HOMER1: variants seen among roughly 807,000 people sequenced by gnomAD.
The protein encoded by HOMER1 is homer scaffold protein 1.
A neutral mutation model predicts 48.9 loss-of-function variants in HOMER1; 3 were observed. The ratio of observed to expected loss-of-function variants is 0.06; its 90% CI spans 0.03 to 0.16. HOMER1 has a LOEUF of 0.16. Among genes scored for constraint, HOMER1 ranks in the 10% least tolerant of loss-of-function variants. HOMER1 has a pLI of 1.00. For synonymous variants in HOMER1, 134 were observed against 146.4 expected (o/e 0.92, Z 0.61); for missense variants, 247 against 411.4 (o/e 0.60, Z 3.46).
At chr5:79,392,343 G>A (rs2112207506) in intron 8 of HOMER1, among the ~76,000 whole-genome samples, 1 of 152,294 alleles carries the variant, frequency 6.6e-6, no homozygotes, top group African/African-American at 2.4e-5. Flanking sequence ...GGGACAAGAT[G>A]TGGAGGTAGA....
chr5:79,456,716 T>C (rs1751186496), intron 2 of HOMER1, 146 bp downstream of exon 2: 1 of 673,124 alleles, frequency 1.5e-6, no homozygotes, highest in African/African-American at 1.8e-5. Flanking sequence ...GTTGCTACCT[T>C]AATAATCCAT....
chr5:79,417,145 CT>C (rs34190629), intron 5 of HOMER1, among the ~76,000 whole-genome samples: 40,890 of 142,810 alleles, frequency 0.29, 6,279 homozygotes, highest in African/African-American at 0.45. Context: ...CGCACCCCTA[CT>C]TTTTTTTTTT....
chr5:79,502,533 T>G (rs1752625047), intron 1 of HOMER1, among the ~76,000 whole-genome samples: 1 of 152,202 alleles, frequency 6.6e-6, no homozygotes, highest in South Asian at 2.1e-4. Flanking sequence ...AGCGCTTTTA[T>G]GAGTCTCTTT....
chr5:79,477,384 G>C (rs1245034748), intron 1 of HOMER1, among the ~76,000 whole-genome samples: 11 of 152,230 alleles, frequency 7.2e-5, no homozygotes, highest in Non-Finnish European at 1.6e-4. Context: ...TCCTACAAGA[G>C]GAAGAGATTT....
In HOMER1 at chr5:79,373,043, G is replaced by A. The variant is rs66500143; in HGVS notation, c.*2966C>T. ...ATGTTTTAGTCTGCAGAAAGAAAGT[G>A]GAAAAGAGAAAGAGAGAGAGAGGAG... On this transcript the variant is annotated 3_prime_UTR_variant, in exon 9 of 9. Coordinates refer to ENST00000334082, the MANE Select transcript of HOMER1 (RefSeq NM_004272.5). 31,423 of 151,910 alleles carry A rather than the reference G, an allele frequency of 0.21. 4,231 individuals are homozygous for A. The highest frequency in any genetic ancestry group is 0.44 in the East Asian group (2,284 of 5,148). 9.4% of individuals were successfully genotyped at this position (151,910 alleles called of 1,614,324 possible). A position where few individuals can be genotyped will look rare whatever the true frequency, so the allele number is the denominator to read the frequency against.
At chr5:79,421,756 C>A (rs1750106629) in intron 5 of HOMER1, among the ~76,000 whole-genome samples, 1 of 152,012 alleles carries the variant, frequency 6.6e-6, no homozygotes, top group Non-Finnish European at 1.5e-5. Flanking sequence ...AGGCACCCGC[C>A]ACCATGCCCA....
At chr5:79,441,650 T>A (rs1179630373) in intron 4 of HOMER1, among the ~76,000 whole-genome samples, 2 of 152,160 alleles carry the variant, frequency 1.3e-5, no homozygotes, top group Non-Finnish European at 2.9e-5. Context: ...TTTAATTTAA[T>A]TTTTTATTCT....
intron 5 of HOMER1, among the ~76,000 whole-genome samples, chr5:79,423,953 C>G (rs1197564895): frequency 6.6e-6 from 1 of 152,026 alleles, no homozygotes; most frequent in Admixed American, 6.5e-5. Flanking sequence ...ACAACAATGA[C>G]AGACCATTGT....
chr5:79,416,953 T>G (rs1274487166), intron 5 of HOMER1, among the ~76,000 whole-genome samples: 1 of 152,172 alleles, frequency 6.6e-6, no homozygotes, highest in African/African-American at 2.4e-5. Context: ...TTTCCCTACA[T>G]CAGTGAATTT....
intron 8 of HOMER1, among the ~76,000 whole-genome samples, chr5:79,390,794 C>A (rs560723130): frequency 6.6e-6 from 1 of 151,998 alleles, no homozygotes; most frequent in African/African-American, 2.4e-5. Context: ...TTAAAAAAGA[C>A]CCTTCCACCA....
At chr5:79,419,713 G>A (rs1299978601) in intron 5 of HOMER1, among the ~76,000 whole-genome samples, 2 of 151,918 alleles carry the variant, frequency 1.3e-5, no homozygotes, top group Non-Finnish European at 2.9e-5. Context: ...AATCTTTTCA[G>A]AGTAATCACT....
chr5:79,466,064 T>A (rs1168295159), intron 1 of HOMER1, among the ~76,000 whole-genome samples: 1 of 152,112 alleles, frequency 6.6e-6, no homozygotes, highest in Non-Finnish European at 1.5e-5. Flanking sequence ...CAATGCACAT[T>A]TAAGCAACAT....
At chr5:79,443,237 T>C (rs563625895) in intron 4 of HOMER1, among the ~76,000 whole-genome samples, 4 of 152,122 alleles carry the variant, frequency 2.6e-5, no homozygotes, top group African/African-American at 9.7e-5. Context: ...GCTAAATACT[T>C]TGAAATGACT....
chr5:79,498,208 C>T (rs1407640637), intron 1 of HOMER1, among the ~76,000 whole-genome samples: 9 of 152,148 alleles, frequency 5.9e-5, no homozygotes, highest in African/African-American at 4.8e-5. Flanking sequence ...CGAGACCAGC[C>T]TGACCAACAT....
At chr5:79,504,137 G>A (rs1042739082) in intron 1 of HOMER1, among the ~76,000 whole-genome samples, 1 of 152,076 alleles carries the variant, frequency 6.6e-6, no homozygotes, top group African/African-American at 2.4e-5. Context: ...GAAAACAGCA[G>A]CCTGCGAGAT....
intron 5 of HOMER1, among the ~76,000 whole-genome samples, chr5:79,418,834 A>C (rs1750019031): frequency 6.6e-6 from 1 of 152,210 alleles, no homozygotes; most frequent in Non-Finnish European, 1.5e-5. Flanking sequence ...CCTTAGGGGT[A>C]ATTTACAATT....
chr5:79,421,525 C>CT (rs1750098691), intron 5 of HOMER1, among the ~76,000 whole-genome samples: 2 of 152,020 alleles, frequency 1.3e-5, no homozygotes, highest in African/African-American at 4.8e-5. Flanking sequence ...TTCTCTAATA[C>CT]TTTTGCTTTG....
intron 5 of HOMER1, among the ~76,000 whole-genome samples, chr5:79,438,564 C>T (rs182618998): frequency 8.6e-5 from 13 of 152,026 alleles, no homozygotes; most frequent in Admixed American, 3.9e-4. Context: ...GTGAGATCAT[C>T]TCAAAGACTA....
At chr5:79,405,704 A>G (rs1477568627) in intron 5 of HOMER1, among the ~76,000 whole-genome samples, 4 of 152,232 alleles carry the variant, frequency 2.6e-5, no homozygotes, top group Admixed American at 2.0e-4. Flanking sequence ...AAGCTTAGTC[A>G]ATGCACTAAA....
Sources: gnomAD v4.1 joint callset for allele counts (sites outside exome capture counted in the v4.1 genomes callset) on GRCh38, gnomAD v4.1.1 for gene constraint, MANE v1.5 for transcripts, NCBI Gene and HGNC (gene_info 2026-07-23, HGNC 2026-07-21) for gene names.